The following PDE7B variants were observed in gnomAD, a reference collection of about 807,000 sequenced individuals.
PDE7B encodes the protein 3',5'-cyclic-AMP phosphodiesterase 7B.
PDE7B carries 29 observed loss-of-function variants against 56.2 expected under a neutral mutation model. The ratio of observed to expected loss-of-function variants is 0.52; its 90% CI spans 0.38 to 0.70. PDE7B has a LOEUF of 0.70. PDE7B is among the 30% of genes least tolerant of loss of function. The pLI is 0.00. For missense variants in PDE7B, 490 were observed against 565.0 expected (o/e 0.87, Z 1.35); for synonymous variants, 197 against 196.9 (o/e 1.00, Z 0.00).
chr6:136,147,581 G>A, intron 4 of PDE7B, 79 bp downstream of exon 4: 2 of 1,196,786 alleles, frequency 1.7e-6, no homozygotes, highest in South Asian at 1.3e-5. Context: ...TGGTGTTGGA[G>A]TCCTACTCTG....
chr6:136,010,874 A>C (rs1775880505), intron 2 of PDE7B, among the ~76,000 whole-genome samples: 4 of 152,134 alleles, frequency 2.6e-5, no homozygotes, highest in Admixed American at 2.6e-4. Flanking sequence ...AATAAGTCTG[A>C]GTTCTGATGG....
intron 1 of PDE7B, among the ~76,000 whole-genome samples, chr6:135,917,819 C>T (rs1397900923): frequency 1.3e-5 from 2 of 152,052 alleles, no homozygotes; most frequent in African/African-American, 4.8e-5. Context: ...TTTGCCAGGA[C>T]ATAGTCTGCA....
intron 8 of PDE7B, among the ~76,000 whole-genome samples, chr6:136,157,407 G>A (rs771157799): frequency 6.6e-6 from 1 of 152,146 alleles, no homozygotes; most frequent in Non-Finnish European, 1.5e-5. Flanking sequence ...GTGAAACCCC[G>A]TCTCTACTAA....
chr6:136,033,231 T>C (rs1355900749), intron 2 of PDE7B, among the ~76,000 whole-genome samples: 1 of 152,242 alleles, frequency 6.6e-6, no homozygotes, highest in Non-Finnish European at 1.5e-5. Context: ...TCCTGCCATG[T>C]TGTTCTCAAC....
chr6:136,108,505 C>G (rs1230820369), intron 2 of PDE7B, among the ~76,000 whole-genome samples: 2 of 152,054 alleles, frequency 1.3e-5, no homozygotes, highest in Non-Finnish European at 2.9e-5. Context: ...TTTTCACAGA[C>G]CCATCTTCTA....
At chr6:136,130,080 G>A (rs1232449112) in intron 3 of PDE7B, among the ~76,000 whole-genome samples, 4 of 151,988 alleles carry the variant, frequency 2.6e-5, no homozygotes, top group Admixed American at 1.3e-4. Context: ...TTCCATAGTC[G>A]TAAGAATAAA....
intron 2 of PDE7B, among the ~76,000 whole-genome samples, chr6:135,984,408 A>G (rs991033470): frequency 1.3e-5 from 2 of 152,160 alleles, no homozygotes; most frequent in African/African-American, 4.8e-5. Context: ...ATAATTTTTC[A>G]AAGTATTGCC....
chr6:135,876,081 G>A (rs1393085756), intron 1 of PDE7B, among the ~76,000 whole-genome samples: 17 of 152,252 alleles, frequency 1.1e-4, no homozygotes, highest in Admixed American at 9.2e-4. Context: ...GGTGTGACCC[G>A]ATAAAAGGGG....
Position 135,873,491 on chromosome 6 carries a change from AG to A in PDE7B, c.21+21473del, listed in dbSNP as rs1030229565. Among the ~76,000 whole-genome samples, 11 of 152,280 alleles carry A rather than the reference AG, an allele frequency of 7.2e-5. No individual in the cohort carries two copies. The East Asian group carries it at 2.1e-3, about 29-fold the overall frequency. ...AGGATTATTGAATTATCTTTTATAT[AG>A]ATCTTTAATATAGTATGATGTAGTT... On this transcript the variant is annotated intron_variant, in intron 1 of 12. Transcript: ENST00000308191.
chr6:136,052,047 T>TAA (rs79463029), intron 2 of PDE7B, among the ~76,000 whole-genome samples: 6 of 139,978 alleles, frequency 4.3e-5, no homozygotes, highest in African/African-American at 1.0e-4. Flanking sequence ...ACATTTAAAG[T>TAA]AAAAAAAAAA....
chr6:135,894,561 T>A (rs1053686046), intron 1 of PDE7B, among the ~76,000 whole-genome samples: 2 of 152,010 alleles, frequency 1.3e-5, no homozygotes, highest in Non-Finnish European at 2.9e-5. Flanking sequence ...ATGAGGCAAA[T>A]GGAGACAAAA....
intron 2 of PDE7B, among the ~76,000 whole-genome samples, chr6:136,019,380 C>A (rs757699090): frequency 6.6e-6 from 1 of 150,730 alleles, no homozygotes; most frequent in Non-Finnish European, 1.5e-5. Flanking sequence ...GCTAGTACAG[C>A]TGAAAAAAAA....
chr6:136,025,446 A>G (rs955680587), intron 2 of PDE7B, among the ~76,000 whole-genome samples: 2 of 152,298 alleles, frequency 1.3e-5, no homozygotes, highest in Admixed American at 6.5e-5. Flanking sequence ...ACTTATTCAA[A>G]TAAGTACATG....
chr6:135,891,627 C>T (rs1361921835), intron 1 of PDE7B, among the ~76,000 whole-genome samples: 1 of 152,190 alleles, frequency 6.6e-6, no homozygotes, highest in Non-Finnish European at 1.5e-5. Flanking sequence ...TCAAAATGTG[C>T]ATTCTCAGGC....
intron 2 of PDE7B, among the ~76,000 whole-genome samples, chr6:136,055,475 A>G (rs1206262223): frequency 6.6e-6 from 1 of 152,244 alleles, no homozygotes; most frequent in African/African-American, 2.4e-5. Context: ...TCAAAAATTC[A>G]AGTTGTGTTA....
intron 2 of PDE7B, among the ~76,000 whole-genome samples, chr6:135,965,010 G>A (rs868714412): frequency 6.6e-5 from 10 of 152,148 alleles, no homozygotes; most frequent in South Asian, 2.1e-4. Flanking sequence ...GTGTGGTGGC[G>A]TGCGCCTATA....
At chr6:136,178,780 A>G (rs1408763939) in intron 9 of PDE7B, among the ~76,000 whole-genome samples, 1 of 152,200 alleles carries the variant, frequency 6.6e-6, no homozygotes, top group African/African-American at 2.4e-5. Context: ...TCAAGGTTTC[A>G]ATCACTTTAT....
At chr6:136,176,285 CAGTA>C (rs1331859168) in intron 9 of PDE7B, among the ~76,000 whole-genome samples, 13 of 151,904 alleles carry the variant, frequency 8.6e-5, no homozygotes, top group Admixed American at 5.2e-4. Flanking sequence ...ATTATAAATT[CAGTA>C]AGTATTCATA....
chr6:136,079,726 CAAAAAAA>C (rs35447604), intron 2 of PDE7B, among the ~76,000 whole-genome samples: 3 of 94,438 alleles, frequency 3.2e-5, no homozygotes, highest in Admixed American at 1.1e-4. Flanking sequence ...ATTAGGAAGA[CAAAAAAA>C]AAAAAAAAAA....
Sources: allele counts gnomAD v4.1 joint callset (sites outside exome capture counted in the v4.1 genomes callset), GRCh38; gene constraint gnomAD v4.1.1; transcripts MANE v1.5; gene names NCBI Gene and HGNC (gene_info 2026-07-23, HGNC 2026-07-21).